GFRA2: variants seen among roughly 807,000 people sequenced by gnomAD.
GFRA2 encodes GDNF family receptor alpha-2.
Under a neutral mutation model 48.3 loss-of-function variants are expected in GFRA2, and 17 were observed. That is an observed-to-expected ratio of 0.35 (90% CI 0.24 to 0.53). The LOEUF is 0.53. Ranked by LOEUF, GFRA2 falls within the 20% of genes least tolerant of loss-of-function variation. GFRA2 has a pLI of 0.93. For synonymous variants in GFRA2, 305 were observed against 257.2 expected (o/e 1.19, Z -1.78); for missense variants, 660 against 637.3 (o/e 1.04, Z -0.38).
At chr8:21,795,022 T>C (rs1807642979) in intron 2 of GFRA2, among the ~76,000 whole-genome samples, 1 of 152,222 alleles carries the variant, frequency 6.6e-6, no homozygotes, top group Admixed American at 6.5e-5. Flanking sequence ...GAGCTCTGGT[T>C]TTACCCAGCT....
intron 6 of GFRA2, among the ~76,000 whole-genome samples, chr8:21,704,237 T>A (rs1233128775): frequency 6.6e-6 from 1 of 152,196 alleles, no homozygotes; most frequent in African/African-American, 2.4e-5. Context: ...CATCCACAGA[T>A]ACATTCTCCA....
At chr8:21,711,220 G>A (rs1465710956) in intron 4 of GFRA2, among the ~76,000 whole-genome samples, 1 of 152,228 alleles carries the variant, frequency 6.6e-6, no homozygotes, top group Non-Finnish European at 1.5e-5. Flanking sequence ...GCTGAGAACA[G>A]ACTTTTCCTG....
chr8:21,693,841 G>A lies in GFRA2; in HGVS notation c.1273-441C>T, dbSNP rs747858526. 3.3e-5 allele frequency among the ~76,000 whole-genome samples: 5 copies of A among 151,864 alleles called. No individual in the cohort carries two copies. In the East Asian group the frequency reaches 5.8e-4, roughly 18 times the overall value. On this transcript the variant is annotated intron_variant, in intron 8 of 8. Transcript: ENST00000524240. ...AGGGGAGACAAGGGAGCCCACATTC[G>A]CCCTGTTTCTCAATTTCTTCCAATC... is the stretch of plus-strand genomic sequence containing the variant.
rs10674628 is a variant in GFRA2 at position 21,714,246 on chromosome 8, C to CTTTTTTTTTTT, written c.795-8216_795-8206dup. ...GATCAATACATACTGGTCTGAAGTT[C>CTTTTTTTTTTT]TTTTTTTTTTTTTTTTTTTTTTTGA... On this transcript the variant is annotated intron_variant, in intron 4 of 8. Coordinates refer to ENST00000524240, the MANE Select transcript of GFRA2 (RefSeq NM_001495.5). Among the ~76,000 whole-genome samples the CTTTTTTTTTTT allele has an allele frequency of 2.1e-3, 163 of 78,394 alleles. 22 individuals carry two copies. Among genetic ancestry groups the CTTTTTTTTTTT allele is most frequent in the Non-Finnish European group, 2.7e-3 (122 of 44,848 alleles). The allele number at this position is 78,394 out of a possible 152,430, so 51.4% of individuals were successfully genotyped here.
At chr8:21,796,682 T>A (rs903236099) in intron 2 of GFRA2, among the ~76,000 whole-genome samples, 6 of 152,244 alleles carry the variant, frequency 3.9e-5, no homozygotes, top group Admixed American at 1.3e-4. Context: ...TTTCCCATCA[T>A]CTAGAACTTT....
chr8:21,789,118 T>C (rs1431962306), upstream of GFRA2: 57 of 167,392 alleles, frequency 3.4e-4, no homozygotes, highest in African/African-American at 7.5e-4. Flanking sequence ...GCGGTGGCGG[T>C]GGCGGCGGCG....
At chr8:21,757,674 A>AT (rs1554493835) in intron 3 of GFRA2, among the ~76,000 whole-genome samples, 58 of 151,306 alleles carry the variant, frequency 3.8e-4, no homozygotes, top group Admixed American at 1.7e-3. Flanking sequence ...TATTTTTTGT[A>AT]TTTTTTTTAG....
At chr8:21,775,463 T>C (rs1336449285) in intron 2 of GFRA2, among the ~76,000 whole-genome samples, 2 of 152,146 alleles carry the variant, frequency 1.3e-5, no homozygotes, top group Admixed American at 6.5e-5. Flanking sequence ...TCATGCCTCA[T>C]TTCACAAGAG....
rs1334521718 is a variant in GFRA2 at position 21,738,209 on chromosome 8, C to T, written c.794+12379G>A. ...CTCCTCCTCCCCCTCCTCCTCCTCC[C>T]CCTCCTCCTCCTCCCCTCTTCCCCA... On this transcript the variant is annotated intron_variant, in intron 4 of 8. Coordinates refer to ENST00000524240, the MANE Select transcript of GFRA2 (RefSeq NM_001495.5). Among the ~76,000 whole-genome samples, 4 of 90,328 alleles carry T rather than the reference C, an allele frequency of 4.4e-5. No individual in the cohort carries two copies. In the Admixed American group the frequency reaches 4.7e-4, roughly 11 times the overall value. 59.3% of individuals were successfully genotyped at this position (90,328 alleles called of 152,430 possible). A position where few individuals can be genotyped will look rare whatever the true frequency, so the allele number is the denominator to read the frequency against.
chr8:21,728,210 T>A (rs1256056534), intron 4 of GFRA2, among the ~76,000 whole-genome samples: 1 of 148,710 alleles, frequency 6.7e-6, no homozygotes, highest in Non-Finnish European at 1.5e-5. Context: ...CAGGACACAC[T>A]GGATTCCTGG....
intron 1 of GFRA2, among the ~76,000 whole-genome samples, chr8:21,805,364 C>T (rs1807840432): frequency 6.6e-6 from 1 of 152,152 alleles, no homozygotes; most frequent in African/African-American, 2.4e-5. Flanking sequence ...GAGCAGGGGA[C>T]ATATTACACA....
At chr8:21,694,092 T>TATATATATA (rs1221616880) in intron 8 of GFRA2, among the ~76,000 whole-genome samples, 12 of 138,514 alleles carry the variant, frequency 8.7e-5, no homozygotes, top group South Asian at 2.3e-4. Flanking sequence ...TATATATATA[T>TATATATATA]TTCCTATAGT....
chr8:21,747,666 G>A (rs1805072468), intron 4 of GFRA2, among the ~76,000 whole-genome samples: 1 of 151,432 alleles, frequency 6.6e-6, no homozygotes, highest in African/African-American at 2.4e-5. Context: ...CCTGGCCCTG[G>A]CCCTGGTTCC....
chr8:21,722,833 T>C (rs1803671442), intron 4 of GFRA2, among the ~76,000 whole-genome samples: 1 of 152,224 alleles, frequency 6.6e-6, no homozygotes, highest in Non-Finnish European at 1.5e-5. Context: ...GCCATGCCCA[T>C]GGCCCAGAAG....
Position 21,788,212 on chromosome 8 carries a change from A to T in GFRA2, c.-53T>A. The stretch of plus-strand genomic sequence containing the variant: ...CTTTCTCCCTTGGGTAAAAAAAAAT[A>T]ATAGTAGTAACAACAACAATAATAA... On this transcript the variant is annotated 5_prime_UTR_variant, in exon 1 of 9. Transcript: ENST00000524240. The T allele has an allele frequency of 6.3e-7, 1 of 1,589,286 alleles. No individual in the cohort carries two copies.
chr8:21,728,585 A>G (rs1424697515), intron 4 of GFRA2, among the ~76,000 whole-genome samples: 1 of 152,102 alleles, frequency 6.6e-6, no homozygotes, highest in Admixed American at 6.5e-5. Context: ...AAGAACTAGC[A>G]TTTTCATAAG....
At chr8:21,770,436 T>C (rs1806387192) in intron 3 of GFRA2, among the ~76,000 whole-genome samples, 3 of 152,310 alleles carry the variant, frequency 2.0e-5, no homozygotes, top group South Asian at 2.1e-4. Context: ...GAGGACAGGA[T>C]TGGGGCTTAG....
chr8:21,722,936 A>G (rs1803676778), intron 4 of GFRA2, among the ~76,000 whole-genome samples: 1 of 152,132 alleles, frequency 6.6e-6, no homozygotes, highest in African/African-American at 2.4e-5. Context: ...ATGCCTCCCT[A>G]CATGGAGTGG....
intron 3 of GFRA2, among the ~76,000 whole-genome samples, chr8:21,772,784 A>C (rs1806501015): frequency 1.3e-5 from 2 of 152,214 alleles, no homozygotes; most frequent in Non-Finnish European, 2.9e-5. Context: ...CCTGTCCCAC[A>C]GAGTGTCAAG....
Sources: gnomAD v4.1 joint callset for allele counts (sites outside exome capture counted in the v4.1 genomes callset) on GRCh38, gnomAD v4.1.1 for gene constraint, MANE v1.5 for transcripts, NCBI Gene and HGNC (gene_info 2026-07-23, HGNC 2026-07-21) for gene names.